LGR5: variants seen among roughly 807,000 people sequenced by gnomAD.
LGR5 encodes the protein leucine rich repeat containing G protein-coupled receptor 5.
Under a neutral mutation model 76.7 loss-of-function variants are expected in LGR5, and 54 were observed. The observed-to-expected ratio is 0.70, with a 90% CI of 0.57 to 0.88. LGR5 has a LOEUF of 0.88. Among genes scored for constraint, LGR5 ranks in the 40% least tolerant of loss-of-function variants. The pLI is 0.00. For missense variants in LGR5, 1,078 were observed against 1,073.3 expected (o/e 1.00, Z -0.06); for synonymous variants, 406 against 421.9 (o/e 0.96, Z 0.46).
intron 1 of LGR5, among the ~76,000 whole-genome samples, chr12:71,487,464 G>T (rs1485792523): frequency 2.0e-5 from 3 of 152,144 alleles, no homozygotes; most frequent in African/African-American, 4.8e-5. Flanking sequence ...ACTTAGGCTG[G>T]AATGTAGTGG....
chr12:71,495,419 G>A (rs1223727459), intron 1 of LGR5, among the ~76,000 whole-genome samples: 2 of 151,228 alleles, frequency 1.3e-5, no homozygotes, highest in Non-Finnish European at 2.9e-5. Context: ...TACCAGAAAC[G>A]TCCCAAGTTA....
chr12:71,569,863 G>A lies in LGR5; in HGVS notation c.1071-1651G>A, dbSNP rs150604613. 2.5e-3 allele frequency among the ~76,000 whole-genome samples: 374 copies of A among 152,286 alleles called. 1 individual carries two copies. Among genetic ancestry groups the A allele is most frequent in the African/African-American group, 8.4e-3 (348 of 41,562 alleles). On this transcript the variant is annotated intron_variant, in intron 11 of 17. Transcript: ENST00000266674. ...ATTATAAAGATATATGCCCATGTATGTTCATTGAAGCACTATTCACAGTAG... is the reference window on the plus strand; with the variant it reads ...ATTATAAAGATATATGCCCATGTATATTCATTGAAGCACTATTCACAGTAG...
chr12:71,510,327 C>T (rs929356976), intron 2 of LGR5, among the ~76,000 whole-genome samples: 1 of 152,100 alleles, frequency 6.6e-6, no homozygotes, highest in Admixed American at 6.5e-5. Context: ...TAGATATAGA[C>T]ATTTAGATAT....
intron 13 of LGR5, among the ~76,000 whole-genome samples, chr12:71,573,214 A>G (rs11178861): frequency 0.18 from 27,797 of 152,122 alleles, 2,903 homozygotes; most frequent in East Asian, 0.44. Context: ...GGAATCGACA[A>G]GAAACATTTT....
chr12:71,555,240 T>C (rs1011428303), intron 5 of LGR5, among the ~76,000 whole-genome samples: 1 of 152,178 alleles, frequency 6.6e-6, no homozygotes, highest in South Asian at 2.1e-4. Flanking sequence ...ATTTCACATA[T>C]AAAGATGATG....
chr12:71,474,615 A>G (rs1263010495), intron 1 of LGR5, among the ~76,000 whole-genome samples: 2 of 152,240 alleles, frequency 1.3e-5, no homozygotes, highest in Non-Finnish European at 1.5e-5. Context: ...TTAAAATACT[A>G]CCATTAGTAA....
At chr12:71,496,156 G>A (rs1010101811) in intron 1 of LGR5, among the ~76,000 whole-genome samples, 1 of 152,174 alleles carries the variant, frequency 6.6e-6, no homozygotes, top group African/African-American at 2.4e-5. Context: ...CAGATCACCA[G>A]GTCAGGAGAT....
At chr12:71,572,229 C>T (rs1303807672) in intron 12 of LGR5, among the ~76,000 whole-genome samples, 1 of 152,014 alleles carries the variant, frequency 6.6e-6, no homozygotes, top group Non-Finnish European at 1.5e-5. Flanking sequence ...ATTACAGGCA[C>T]CCATCACCAT....
intron 2 of LGR5, among the ~76,000 whole-genome samples, chr12:71,516,209 G>A (rs1194260612): frequency 2.0e-5 from 3 of 151,776 alleles, no homozygotes; most frequent in African/African-American, 2.4e-5. Flanking sequence ...TGAAAGAACC[G>A]TTTCATTTTT....
chr12:71,521,169 G>A (rs1875709741), intron 2 of LGR5, among the ~76,000 whole-genome samples: 1 of 152,214 alleles, frequency 6.6e-6, no homozygotes. Context: ...AGAGAATATT[G>A]TACATTGAAA....
intron 3 of LGR5, among the ~76,000 whole-genome samples, chr12:71,529,149 TTATAA>T (rs1876168829): frequency 6.6e-6 from 1 of 152,234 alleles, no homozygotes; most frequent in Non-Finnish European, 1.5e-5. Context: ...CTTCTTTCCC[TTATAA>T]TATATAACAA....
chr12:71,458,148 T>C (rs1413904204), intron 1 of LGR5, among the ~76,000 whole-genome samples: 1 of 152,174 alleles, frequency 6.6e-6, no homozygotes, highest in Non-Finnish European at 1.5e-5. Context: ...CTTGTTGATA[T>C]GACCTTTGCA....
At chr12:71,505,967 GTCT>G in intron 2 of LGR5, among the ~76,000 whole-genome samples, 1 of 152,004 alleles carries the variant, frequency 6.6e-6, no homozygotes. Context: ...AACAATGTCT[GTCT>G]TAGTCATGGC....
In LGR5 at chr12:71,584,689, T is replaced by C. The variant is rs763576039; in HGVS notation, c.2679T>C (p.Thr893=). The part of the protein sequence containing the change: ...SSVPSPAYPV[T]ESCHLSSVAF... ...TGCCATCACCAGCTTATCCAGTGAC[T>C]GAGAGCTGCCATCTTTCCTCTGTGG... is the stretch of plus-strand genomic sequence containing the variant. The change falls in exon 18 of 18, where the codon ACT becomes ACC. Residue 893 remains threonine (T), a synonymous_variant. Coordinates refer to ENST00000266674, the MANE Select transcript of LGR5 (RefSeq NM_003667.4). 2 of 1,613,512 alleles carry C rather than the reference T, an allele frequency of 1.2e-6. No homozygotes were observed. The highest frequency in any genetic ancestry group is 1.3e-5 in the African/African-American group (1 of 74,916).
At chr12:71,558,368 T>C (rs1877883396) in intron 6 of LGR5, among the ~76,000 whole-genome samples, 1 of 152,108 alleles carries the variant, frequency 6.6e-6, no homozygotes. Context: ...GAGCAAAACA[T>C]GTCAGGGAAA....
chr12:71,570,487 C>T (rs1359691159), intron 11 of LGR5, among the ~76,000 whole-genome samples: 1 of 151,942 alleles, frequency 6.6e-6, no homozygotes, highest in Non-Finnish European at 1.5e-5. Flanking sequence ...CAATTATCAG[C>T]TTTGATAATA....
At chr12:71,457,546 G>C (rs188452166) in intron 1 of LGR5, among the ~76,000 whole-genome samples, 2 of 152,168 alleles carry the variant, frequency 1.3e-5, no homozygotes, top group Admixed American at 1.3e-4. Flanking sequence ...ATAGGATACT[G>C]ACACAGAAGA....
At chr12:71,456,370 A>G (rs1034529780) in intron 1 of LGR5, among the ~76,000 whole-genome samples, 7 of 152,164 alleles carry the variant, frequency 4.6e-5, no homozygotes, top group African/African-American at 1.7e-4. Context: ...TGACCAGGGT[A>G]TGGTTTGTGA....
rs148532010 is a variant in LGR5, at chr12:71,530,120, A to G, written c.357-4995A>G. On this transcript the variant is annotated intron_variant, in intron 3 of 17. Transcript: ENST00000266674. The stretch of plus-strand genomic sequence containing the variant: ...TATAATACATTTAGGGCACAACAAT[A>G]AAGTATATTGATTTTTTCTTTGAAA... Among the ~76,000 whole-genome samples the G allele has an allele frequency of 7.2e-5, 11 of 152,268 alleles. No individual in the cohort carries two copies. In the East Asian group the frequency reaches 2.1e-3, roughly 29 times the overall value.
Sources: gnomAD v4.1 joint callset for allele counts (sites outside exome capture counted in the v4.1 genomes callset) on GRCh38, gnomAD v4.1.1 for gene constraint, MANE v1.5 for transcripts, NCBI Gene and HGNC (gene_info 2026-07-23, HGNC 2026-07-21) for gene names.